The following GALNTL6 variants were observed in gnomAD, a reference collection of about 807,000 sequenced individuals.
GALNTL6 encodes polypeptide N-acetylgalactosaminyltransferase like 6, also known as polypeptide N-acetylgalactosaminyltransferase-like 6.
In GALNTL6, 46 loss-of-function variants were observed where a neutral mutation model predicts 73.7. The observed-to-expected ratio is 0.62, with a 90% CI of 0.49 to 0.80. The LOEUF (loss-of-function observed/expected upper bound fraction) is 0.80. GALNTL6 is among the 30% of genes least tolerant of loss of function. The pLI, the probability that GALNTL6 is intolerant of heterozygous loss-of-function variation, is 0.00. For missense variants in GALNTL6, 604 were observed against 755.0 expected, an observed-to-expected ratio of 0.80 and a Z score of 2.34; for synonymous variants, 259 against 263.7, an observed-to-expected ratio of 0.98 and a Z score of 0.17.
chr4:172,032,081 T>C (rs1466024615), intron 2 of GALNTL6, among the ~76,000 whole-genome samples: 1 of 152,114 alleles, frequency 6.6e-6, no homozygotes, highest in African/African-American at 2.4e-5. Context: ...AGTAAAATAT[T>C]TGGCAACTAT....
At chr4:172,568,193 A>G (rs1736628452) in intron 5 of GALNTL6, among the ~76,000 whole-genome samples, 1 of 152,154 alleles carries the variant, frequency 6.6e-6, no homozygotes, top group Non-Finnish European at 1.5e-5. Flanking sequence ...CTCAGTGGCA[A>G]TTTGAAGAGG....
At chr4:172,300,986 C>T (rs554443731) in intron 3 of GALNTL6, among the ~76,000 whole-genome samples, 11 of 152,300 alleles carry the variant, frequency 7.2e-5, no homozygotes, top group South Asian at 4.1e-4. Flanking sequence ...CCATTCTCCC[C>T]GTCATTTTCA....
intron 5 of GALNTL6, among the ~76,000 whole-genome samples, chr4:172,609,396 A>T (rs1047796407): frequency 5.3e-5 from 8 of 152,154 alleles, no homozygotes; most frequent in South Asian, 2.1e-4. Context: ...ATCTATTGAG[A>T]TAATCATGTG....
chr4:172,568,147 A>C (rs2110941831), intron 5 of GALNTL6, among the ~76,000 whole-genome samples: 1 of 152,254 alleles, frequency 6.6e-6, no homozygotes, highest in Middle Eastern at 3.4e-3. Context: ...TTTTCTTGTT[A>C]ATTCTGTACA....
chr4:172,201,088 C>T (rs1372630621), intron 2 of GALNTL6, among the ~76,000 whole-genome samples: 1 of 151,900 alleles, frequency 6.6e-6, no homozygotes, highest in Non-Finnish European at 1.5e-5. Flanking sequence ...GGAAAAAACT[C>T]TTTGTTAAAC....
intron 10 of GALNTL6, among the ~76,000 whole-genome samples, chr4:172,965,778 G>T (rs1278372662): frequency 6.6e-6 from 1 of 151,728 alleles, no homozygotes; most frequent in Admixed American, 6.6e-5. Context: ...ATATAAATTT[G>T]GCAAACAAAA....
At chr4:172,856,096 T>C (rs910122877) in intron 7 of GALNTL6, among the ~76,000 whole-genome samples, 1 of 152,232 alleles carries the variant, frequency 6.6e-6, no homozygotes, top group African/African-American at 2.4e-5. Flanking sequence ...AACAGCTTCA[T>C]CAGTTGCATT....
At chr4:171,967,368 T>C (rs372072697) in intron 2 of GALNTL6, among the ~76,000 whole-genome samples, 6 of 152,166 alleles carry the variant, frequency 3.9e-5, no homozygotes, top group African/African-American at 7.2e-5. Context: ...ATTTTCCCAG[T>C]TGAGACTTTA....
intron 5 of GALNTL6, among the ~76,000 whole-genome samples, chr4:172,665,940 C>T (rs542790729): frequency 7.6e-4 from 115 of 152,160 alleles, no homozygotes; most frequent in African/African-American, 2.4e-3. Context: ...AAACAGAAAA[C>T]TTTTTTACCT....
intron 3 of GALNTL6, among the ~76,000 whole-genome samples, chr4:172,275,070 C>T (rs888332593): frequency 6.6e-6 from 1 of 152,160 alleles, no homozygotes; most frequent in South Asian, 2.1e-4. Context: ...TTTCCCAGAA[C>T]AGATCTATTA....
intron 3 of GALNTL6, among the ~76,000 whole-genome samples, chr4:172,282,204 G>T (rs947341505): frequency 6.6e-6 from 1 of 152,130 alleles, no homozygotes; most frequent in Non-Finnish European, 1.5e-5. Context: ...GATAATCCCA[G>T]AGAAAATAGT....
At chr4:172,414,594 T>C (rs543979416) in intron 5 of GALNTL6, among the ~76,000 whole-genome samples, 76 of 152,200 alleles carry the variant, frequency 5.0e-4, no homozygotes, top group Non-Finnish European at 8.1e-4. Flanking sequence ...AGCGGCACAC[T>C]GTGGGATTCA....
At chr4:172,679,060 T>G (rs1307253866) in intron 5 of GALNTL6, among the ~76,000 whole-genome samples, 1 of 152,220 alleles carries the variant, frequency 6.6e-6, no homozygotes, top group African/African-American at 2.4e-5. Context: ...AAATTTGAAT[T>G]CCATTGAATT....
chr4:172,141,739 T>G (rs1243564497), intron 2 of GALNTL6, among the ~76,000 whole-genome samples: 2 of 151,914 alleles, frequency 1.3e-5, no homozygotes, highest in East Asian at 3.9e-4. Flanking sequence ...ATGAAAAAGA[T>G]GACAAAGCCA....
At chr4:172,083,632 A>G (rs1731945893) in intron 2 of GALNTL6, among the ~76,000 whole-genome samples, 1 of 152,168 alleles carries the variant, frequency 6.6e-6, no homozygotes. Context: ...AATATTACTC[A>G]ATATAGCAAA....
At chr4:172,316,855 T>C (rs886463570) in intron 4 of GALNTL6, among the ~76,000 whole-genome samples, 17 of 152,296 alleles carry the variant, frequency 1.1e-4, no homozygotes, top group Admixed American at 3.3e-4. Context: ...ATAATCAAAA[T>C]TGTCAAACTT....
chr4:172,947,912 A>G (rs978235255), intron 9 of GALNTL6, among the ~76,000 whole-genome samples: 8 of 152,228 alleles, frequency 5.3e-5, no homozygotes, highest in East Asian at 1.9e-4. Flanking sequence ...TAAAAGACCA[A>G]TGAAACTCTC....
At chr4:172,719,994 G>A (rs1735363692) in intron 5 of GALNTL6, among the ~76,000 whole-genome samples, 1 of 152,114 alleles carries the variant, frequency 6.6e-6, no homozygotes, top group African/African-American at 2.4e-5. Context: ...TAGTGAGGAC[G>A]ACCGGAGGTC....
At chr4:172,906,267 G>T (rs1443661682) in intron 8 of GALNTL6, among the ~76,000 whole-genome samples, 1 of 151,840 alleles carries the variant, frequency 6.6e-6, no homozygotes, top group African/African-American at 2.4e-5. Flanking sequence ...ACCCAAAAAT[G>T]ATAATGGGGA....
Sources: allele counts gnomAD v4.1 joint callset (sites outside exome capture counted in the v4.1 genomes callset), GRCh38; gene constraint gnomAD v4.1.1; transcripts MANE v1.5; gene names NCBI Gene and HGNC (gene_info 2026-07-23, HGNC 2026-07-21).